MAGEC3: variants seen among roughly 807,000 people sequenced by gnomAD.
The protein encoded by MAGEC3 is MAGE family member C3.
In MAGEC3, 34 loss-of-function variants were observed where a neutral mutation model predicts 35.3. The observed-to-expected ratio is 0.96, with a 90% CI of 0.73 to 1.28. The LOEUF is 1.28. MAGEC3 is among the 50% of genes most tolerant of loss of function. The pLI, the probability that MAGEC3 is intolerant of heterozygous loss-of-function variation, is 0.00. For synonymous variants in MAGEC3, 202 were observed against 185.6 expected, an observed-to-expected ratio of 1.09 and a Z score of -0.72; for missense variants, 561 against 483.6, an observed-to-expected ratio of 1.16 and a Z score of -1.50.
At chrX:141,893,037 T>C (rs1313743141) in intron 4 of MAGEC3, among the ~76,000 whole-genome samples, 4 of 111,765 alleles carry the variant, frequency 3.6e-5, no homozygotes. Context: ...ACAAAAACTA[T>C]AAATAAGTAC....
At chrX:141,874,899 A>C (rs971926278) in intron 2 of MAGEC3, among the ~76,000 whole-genome samples, 2 of 111,385 alleles carry the variant, frequency 1.8e-5, no homozygotes, top group Non-Finnish European at 3.8e-5. Context: ...GTGGTTGACT[A>C]TCAAGGTGAA....
intron 1 of MAGEC3, among the ~76,000 whole-genome samples, chrX:141,847,127 T>C (rs1004361982): frequency 2.0e-4 from 22 of 111,168 alleles, no homozygotes; most frequent in African/African-American, 7.1e-4. Context: ...AATTTAGAAA[T>C]AGGGCAGTAT....
At chrX:141,889,244 T>C (rs957192393) in intron 4 of MAGEC3, among the ~76,000 whole-genome samples, 7 of 111,859 alleles carry the variant, frequency 6.3e-5, no homozygotes, top group African/African-American at 2.3e-4. Flanking sequence ...CAGAAGGCCC[T>C]GTATGCTCTG....
At chrX:141,893,277 C>G (rs2018056403) in intron 4 of MAGEC3, among the ~76,000 whole-genome samples, 1 of 111,157 alleles carries the variant, frequency 9.0e-6, no homozygotes, top group South Asian at 3.8e-4. Context: ...AAGCATAAGG[C>G]TAAGTGAAAG....
chrX:141,871,059 G>A (rs2017884300), intron 2 of MAGEC3, among the ~76,000 whole-genome samples: 1 of 112,398 alleles, frequency 8.9e-6, no homozygotes, highest in South Asian at 3.6e-4. Flanking sequence ...CCTTAAAGAT[G>A]TTTGATTTAA....
At chrX:141,861,091 C>T (rs1005044666) in intron 1 of MAGEC3, among the ~76,000 whole-genome samples, 1 of 111,345 alleles carries the variant, frequency 9.0e-6, no homozygotes, top group Admixed American at 9.6e-5. Flanking sequence ...TGGATGTGAT[C>T]TGGCCAGATG....
chrX:141,890,678 G>C (rs1569475368), intron 4 of MAGEC3, among the ~76,000 whole-genome samples: 1 of 112,112 alleles, frequency 8.9e-6, no homozygotes, highest in Admixed American at 9.5e-5. Flanking sequence ...GGTAATGTTG[G>C]CATTCCCAGA....
intron 3 of MAGEC3, 68 bp from the exon 4 acceptor site, chrX:141,881,332 TCCA>T: frequency 8.9e-7 from 1 of 1,128,834 alleles, no homozygotes; most frequent in Non-Finnish European, 1.2e-6. Context: ...CTGCTCCTCC[TCCA>T]CTTTATGAAG....
chrX:141,879,062 G>A, intron 2 of MAGEC3, 113 bp from the exon 3 acceptor site: 1 of 908,347 alleles, frequency 1.1e-6, no homozygotes, highest in Non-Finnish European at 1.5e-6. Flanking sequence ...CAGTTGCACA[G>A]AGGCAGGAAG....
At chrX:141,858,118 T>A (rs2017793049) in intron 1 of MAGEC3, among the ~76,000 whole-genome samples, 1 of 111,388 alleles carries the variant, frequency 9.0e-6, no homozygotes, top group African/African-American at 3.3e-5. Context: ...CTTATGCATA[T>A]AAGTTAGTCT....
intron 1 of MAGEC3, among the ~76,000 whole-genome samples, chrX:141,848,158 T>C (rs1292859153): frequency 9.1e-6 from 1 of 109,993 alleles, no homozygotes; most frequent in Non-Finnish European, 1.9e-5. Flanking sequence ...AAGAGGCAGC[T>C]ATATAGAGAG....
intron 1 of MAGEC3, among the ~76,000 whole-genome samples, chrX:141,846,763 A>G (rs1297867960): frequency 1.8e-5 from 2 of 111,240 alleles, no homozygotes; most frequent in Non-Finnish European, 3.8e-5. Flanking sequence ...CACTGACTTT[A>G]TATATAATTT....
At chrX:141,871,410 C>T (rs2017887103) in intron 2 of MAGEC3, among the ~76,000 whole-genome samples, 1 of 111,325 alleles carries the variant, frequency 9.0e-6, no homozygotes, top group African/African-American at 3.3e-5. Flanking sequence ...CAAGGAGTCC[C>T]AGGCCACCAG....
intron 1 of MAGEC3, chrX:141,839,305 A>T: frequency 2.0e-6 from 1 of 502,806 alleles, no homozygotes; most frequent in Non-Finnish European, 2.4e-6. Context: ...GTTATTTTTA[A>T]TGGAGAAAGT....
intron 1 of MAGEC3, among the ~76,000 whole-genome samples, chrX:141,848,338 ATCTATCTTC>A (rs2017730171): frequency 9.1e-6 from 1 of 110,360 alleles, no homozygotes; most frequent in African/African-American, 3.3e-5. Flanking sequence ...AAGTCAACCT[ATCTATCTTC>A]ACTGACAATA....
chrX:141,841,142 C>G (rs1488090113), intron 1 of MAGEC3, among the ~76,000 whole-genome samples: 1 of 111,028 alleles, frequency 9.0e-6, no homozygotes, highest in Admixed American at 9.6e-5. Context: ...TCTCTTCTTA[C>G]TTACCAGTCA....
chrX:141,875,294 C>T (rs2017913372), intron 2 of MAGEC3, among the ~76,000 whole-genome samples: 1 of 111,346 alleles, frequency 9.0e-6, no homozygotes, highest in African/African-American at 3.3e-5. Context: ...AAACATGTGC[C>T]ACCTATAGCA....
intron 2 of MAGEC3, among the ~76,000 whole-genome samples, chrX:141,867,019 C>G (rs1413517709): frequency 9.3e-6 from 1 of 107,834 alleles, no homozygotes; most frequent in Non-Finnish European, 1.9e-5. Flanking sequence ...AAAATATAAA[C>G]AAAAGAAAGG....
Position 141,869,164 on chromosome X carries a change from G to A in MAGEC3, c.258+3559G>A, listed in dbSNP as rs1462743535. 4.5e-5 allele frequency among the ~76,000 whole-genome samples: 5 copies of A among 111,195 alleles called. No homozygotes were observed. In the South Asian group the frequency reaches 1.1e-3, roughly 25 times the overall value. On this transcript the variant is annotated intron_variant, in intron 2 of 7. Transcript: ENST00000298296. ...CTCCCAAAGTGCTGGGATTACAGGC[G>A]TGAGCCACCGCGCCCGGCCAGTTCT...
Sources: gnomAD v4.1 joint callset for allele counts (sites outside exome capture counted in the v4.1 genomes callset) on GRCh38, gnomAD v4.1.1 for gene constraint, MANE v1.5 for transcripts, NCBI Gene and HGNC (gene_info 2026-07-23, HGNC 2026-07-21) for gene names.